Variants in GALNT1 observed in about 807,000 individuals in gnomAD.
GALNT1 encodes the protein GalNAc transferase 1.
In GALNT1, 17 loss-of-function variants were observed where a neutral mutation model predicts 65.7. The ratio of observed to expected loss-of-function variants is 0.26; its 90% confidence interval spans 0.18 to 0.39. GALNT1 has a LOEUF of 0.39. Ranked by LOEUF, GALNT1 falls within the 10% of genes least tolerant of loss-of-function variation. GALNT1 has a pLI of 1.00. For synonymous variants in GALNT1, 210 were observed against 219.7 expected, an observed-to-expected ratio of 0.96 and a Z score of 0.39; for missense variants, 460 against 672.8, an observed-to-expected ratio of 0.68 and a Z score of 3.50.
intron 5 of GALNT1, among the ~76,000 whole-genome samples, chr18:35,685,028 G>A (rs1427522954): frequency 1.3e-5 from 2 of 152,030 alleles, no homozygotes; most frequent in Non-Finnish European, 2.9e-5. Context: ...GTGGCAGAGG[G>A]GAAACAAATC....
chr18:35,620,854 A>G (rs2046842584), intron 1 of GALNT1, among the ~76,000 whole-genome samples: 1 of 151,426 alleles, frequency 6.6e-6, no homozygotes, highest in South Asian at 2.1e-4. Context: ...GAGTTTCTCC[A>G]GGGACTGTAC....
intron 1 of GALNT1, among the ~76,000 whole-genome samples, chr18:35,637,081 C>T (rs757141907): frequency 1.3e-5 from 2 of 152,102 alleles, no homozygotes; most frequent in South Asian, 2.1e-4. Flanking sequence ...GCCGACCAGC[C>T]GTTTCCCTGT....
intron 1 of GALNT1, among the ~76,000 whole-genome samples, chr18:35,615,987 G>A (rs542114160): frequency 6.6e-6 from 1 of 152,278 alleles, no homozygotes; most frequent in South Asian, 2.1e-4. Flanking sequence ...TGCAAAAGCA[G>A]CTGTAAACCA....
At chr18:35,591,013 T>C (rs1260080585) in intron 1 of GALNT1, among the ~76,000 whole-genome samples, 2 of 152,132 alleles carry the variant, frequency 1.3e-5, no homozygotes, top group African/African-American at 2.4e-5. Flanking sequence ...CTAAAACAGC[T>C]CTGCCACTGG....
At chr18:35,652,907 A>G (rs995946131) in intron 1 of GALNT1, among the ~76,000 whole-genome samples, 2 of 152,218 alleles carry the variant, frequency 1.3e-5, no homozygotes, top group African/African-American at 4.8e-5. Context: ...AGACCGTAAA[A>G]CCACATTTGA....
At position 35,711,370 on chromosome 18, in the gene GALNT1, T is replaced by G. The variant is rs2048348257; in HGVS notation, c.*1600T>G. Reference sequence around the variant, plus strand: ...ATGTTTCCAAAAGTCGCATCGCTAATGATATTTGCCAAGTTGAGTGTACAC... The same window carrying G: ...ATGTTTCCAAAAGTCGCATCGCTAAGGATATTTGCCAAGTTGAGTGTACAC... On this transcript the variant is annotated 3_prime_UTR_variant, in exon 12 of 12. Coordinates refer to ENST00000269195, the MANE Select transcript of GALNT1 (RefSeq NM_020474.4). 1 of 152,666 alleles carries G rather than the reference T, an allele frequency of 6.6e-6. No individual in the cohort carries two copies. The highest frequency in any genetic ancestry group is 1.5e-5 in the Non-Finnish European group (1 of 68,034). 9.5% of individuals were successfully genotyped at this position (152,666 alleles called of 1,614,324 possible).
chr18:35,641,695 C>A (rs2047165752), intron 1 of GALNT1, among the ~76,000 whole-genome samples: 1 of 152,130 alleles, frequency 6.6e-6, no homozygotes, highest in South Asian at 2.1e-4. Context: ...TAAGTGTTGT[C>A]AACGATATAA....
At chr18:35,593,681 T>G (rs545516455) in intron 1 of GALNT1, among the ~76,000 whole-genome samples, 117 of 152,162 alleles carry the variant, frequency 7.7e-4, no homozygotes, top group African/African-American at 2.8e-3. Flanking sequence ...CAGATAATTT[T>G]TTTTTTTTAA....
chr18:35,687,018 G>C lies in GALNT1; in HGVS notation c.692G>C (p.Arg231Thr). The change falls in exon 6 of 12, where the codon AGA (arginine) becomes ACA (threonine). Residue 231 changes from arginine (R) to threonine (T), a missense_variant and splice_region_variant. Physicochemically the swap from Arg to Thr is moderately conservative, Grantham distance 71. Transcript: ENST00000269195. ...TTAACTTGCTTTTATGACATCAGGAGAACAGTGGTGTGTCCCATCATCGAT... is the reference window on the plus strand; with the variant it reads ...TTAACTTGCTTTTATGACATCAGGACAACAGTGGTGTGTCCCATCATCGAT... The part of the protein sequence containing the change: ...PLLARIKHDR[R>T]TVVCPIIDVI... 1 of 1,608,866 alleles carries C rather than the reference G, an allele frequency of 6.2e-7. No homozygotes were observed. Among genetic ancestry groups the C allele is most frequent in the Non-Finnish European group, 8.5e-7 (1 of 1,177,858 alleles).
chr18:35,673,792 C>T (rs2047667863), intron 3 of GALNT1, among the ~76,000 whole-genome samples: 1 of 152,174 alleles, frequency 6.6e-6, no homozygotes, highest in East Asian at 1.9e-4. Flanking sequence ...CAAGCGACTT[C>T]TGTAGTTCTG....
chr18:35,705,513 TG>T (rs1337564150), intron 11 of GALNT1, among the ~76,000 whole-genome samples: 3 of 152,212 alleles, frequency 2.0e-5, no homozygotes, highest in Admixed American at 6.5e-5. Flanking sequence ...CCATTGGAAA[TG>T]GCCTGAATGC....
At chr18:35,708,401 C>T (rs1028080644) in intron 11 of GALNT1, among the ~76,000 whole-genome samples, 2 of 150,674 alleles carry the variant, frequency 1.3e-5, no homozygotes, top group Non-Finnish European at 3.0e-5. Flanking sequence ...TTGACCACAA[C>T]ACGGAAGAAT....
chr18:35,680,175 C>A (rs1435754123), intron 4 of GALNT1, among the ~76,000 whole-genome samples: 1 of 152,180 alleles, frequency 6.6e-6, no homozygotes, highest in Non-Finnish European at 1.5e-5. Flanking sequence ...TTCTTCCTAT[C>A]TCAGGGCCTT....
intron 1 of GALNT1, among the ~76,000 whole-genome samples, chr18:35,606,843 G>A (rs1429933738): frequency 8.2e-6 from 1 of 121,216 alleles, no homozygotes; most frequent in Non-Finnish European, 1.8e-5. Context: ...GTGTGTGTGT[G>A]TGTGTGTGTG....
At chr18:35,639,815 A>G (rs1420161270) in intron 1 of GALNT1, among the ~76,000 whole-genome samples, 2 of 152,108 alleles carry the variant, frequency 1.3e-5, no homozygotes. Flanking sequence ...TTCTTTTGTC[A>G]GACGAAGTCT....
chr18:35,587,454 A>C (rs1047148569), intron 1 of GALNT1, among the ~76,000 whole-genome samples: 4 of 152,204 alleles, frequency 2.6e-5, no homozygotes, highest in African/African-American at 7.2e-5. Flanking sequence ...TCAGTCCTTA[A>C]CTATGAGGTA....
chr18:35,631,509 T>C (rs1333728913), intron 1 of GALNT1, among the ~76,000 whole-genome samples: 3 of 152,012 alleles, frequency 2.0e-5, no homozygotes, highest in Admixed American at 6.6e-5. Flanking sequence ...TTCAACAGCC[T>C]TTCATGCTAA....
At chr18:35,629,096 G>A (rs1029892671) in intron 1 of GALNT1, among the ~76,000 whole-genome samples, 2 of 152,228 alleles carry the variant, frequency 1.3e-5, no homozygotes, top group East Asian at 1.9e-4. Flanking sequence ...TCTGATTGGT[G>A]TACCTGAAAG....
In GALNT1 at chr18:35,631,028, TC is replaced by T. The variant is rs543180070; in HGVS notation, c.-103-23531del. Reference sequence around the variant, plus strand: ...GGAAGAAGTTGAATCTCTGAATAGATCAATAACAGGCTCTGAAATTGAGGCA... The same window carrying T: ...GGAAGAAGTTGAATCTCTGAATAGATAATAACAGGCTCTGAAATTGAGGCA... On this transcript the variant is annotated intron_variant, in intron 1 of 11. Coordinates refer to ENST00000269195, the MANE Select transcript of GALNT1 (RefSeq NM_020474.4). Among the ~76,000 whole-genome samples, 578 of 152,132 alleles carry T rather than the reference TC, an allele frequency of 3.8e-3. 3 individuals carry two copies. The highest frequency in any genetic ancestry group is 6.4e-3 in the Non-Finnish European group (438 of 67,990).
Sources: gnomAD v4.1 joint callset for allele counts (sites outside exome capture counted in the v4.1 genomes callset) on GRCh38, gnomAD v4.1.1 for gene constraint, MANE v1.5 for transcripts, NCBI Gene and HGNC (gene_info 2026-07-23, HGNC 2026-07-21) for gene names.